The following DCC variants were observed in gnomAD, a reference collection of about 807,000 sequenced individuals.
The protein encoded by DCC is netrin receptor DCC.
Under a neutral mutation model 172.5 loss-of-function variants are expected in DCC, and 58 were observed. The ratio of observed to expected loss-of-function variants is 0.34; its 90% CI spans 0.27 to 0.42. The LOEUF (loss-of-function observed/expected upper bound fraction) is 0.42. Ranked by LOEUF, DCC falls within the 10% of genes least tolerant of loss-of-function variation. The pLI is 1.00. For missense variants in DCC, 1,740 were observed against 1,791.0 expected, an observed-to-expected ratio of 0.97 and a Z score of 0.51; for synonymous variants, 709 against 644.5, an observed-to-expected ratio of 1.10 and a Z score of -1.52.
intron 9 of DCC, among the ~76,000 whole-genome samples, chr18:53,189,596 G>T (rs1481007992): frequency 1.3e-5 from 2 of 152,150 alleles, no homozygotes; most frequent in Admixed American, 1.3e-4. Context: ...CTCAAGCAAA[G>T]TAGAAATGTT....
intron 2 of DCC, among the ~76,000 whole-genome samples, chr18:52,883,307 GTTTTA>G (rs1175517746): frequency 1.4e-5 from 2 of 141,834 alleles, no homozygotes; most frequent in East Asian, 4.3e-4. Flanking sequence ...TTTGTTTTCT[GTTTTA>G]TTTTTATTTT....
At chr18:53,393,662 C>T (rs1198906994) in intron 17 of DCC, among the ~76,000 whole-genome samples, 9 of 152,136 alleles carry the variant, frequency 5.9e-5, no homozygotes, top group Admixed American at 2.6e-4. Flanking sequence ...ATGGCCATGG[C>T]GACTTTGCCA....
At chr18:53,138,236 C>A (rs1182193152) in intron 7 of DCC, among the ~76,000 whole-genome samples, 1 of 152,166 alleles carries the variant, frequency 6.6e-6, no homozygotes, top group South Asian at 2.1e-4. Flanking sequence ...GTGCACCAGG[C>A]CATGAAGGAG....
intron 12 of DCC, among the ~76,000 whole-genome samples, chr18:53,246,397 T>G (rs1187571314): frequency 1.3e-5 from 2 of 151,952 alleles, no homozygotes; most frequent in Non-Finnish European, 2.9e-5. Flanking sequence ...TGTGTGTATG[T>G]GGGAGGAGGT....
At chr18:52,825,676 G>T (rs943282176) in intron 2 of DCC, among the ~76,000 whole-genome samples, 8 of 130,812 alleles carry the variant, frequency 6.1e-5, no homozygotes, top group Non-Finnish European at 1.1e-4. Flanking sequence ...GATCATAATT[G>T]TTTTGGTTTG....
intron 7 of DCC, among the ~76,000 whole-genome samples, chr18:53,128,862 C>CATATAT (rs1345790131): frequency 3.7e-5 from 3 of 81,098 alleles, no homozygotes; most frequent in African/African-American, 1.3e-4. Flanking sequence ...CACACACACA[C>CATATAT]ACACACACAT....
chr18:52,369,300 T>C (rs567783014), intron 1 of DCC, among the ~76,000 whole-genome samples: 1 of 152,048 alleles, frequency 6.6e-6, no homozygotes, highest in Admixed American at 6.6e-5. Flanking sequence ...CCACTTTAGA[T>C]CCTTCAATAG....
chr18:53,167,452 A>G (rs1167969878), intron 8 of DCC, among the ~76,000 whole-genome samples: 1 of 152,210 alleles, frequency 6.6e-6, no homozygotes, highest in Non-Finnish European at 1.5e-5. Flanking sequence ...AATGAAATCA[A>G]GACCCAGGAA....
chr18:52,487,542 G>T (rs568825794), intron 1 of DCC, among the ~76,000 whole-genome samples: 1 of 152,266 alleles, frequency 6.6e-6, no homozygotes, highest in African/African-American at 2.4e-5. Context: ...CGGGCACGGT[G>T]GCTCACGCCT....
chr18:52,869,304 A>G (rs1258760851), intron 2 of DCC, among the ~76,000 whole-genome samples: 1 of 152,206 alleles, frequency 6.6e-6, no homozygotes, highest in Non-Finnish European at 1.5e-5. Context: ...TCCTCTTTGT[A>G]GCCAGGGTGT....
intron 5 of DCC, among the ~76,000 whole-genome samples, chr18:52,927,722 C>G (rs2040241816): frequency 6.6e-6 from 1 of 152,014 alleles, no homozygotes; most frequent in Admixed American, 6.6e-5. Context: ...CCATCTCACA[C>G]CAGTCAGAAT....
At chr18:52,387,781 T>G (rs1351170474) in intron 1 of DCC, among the ~76,000 whole-genome samples, 1 of 152,140 alleles carries the variant, frequency 6.6e-6, no homozygotes, top group East Asian at 1.9e-4. Context: ...AATATTCTGC[T>G]GCAATGAATG....
chr18:53,299,236 A>ATT (rs2057104167), intron 12 of DCC, among the ~76,000 whole-genome samples: 1 of 152,168 alleles, frequency 6.6e-6, no homozygotes. Context: ...TATTTTATGC[A>ATT]TTATTTTATC....
chr18:53,316,453 T>C (rs949163795), intron 13 of DCC, among the ~76,000 whole-genome samples: 106 of 150,018 alleles, frequency 7.1e-4, no homozygotes, highest in Non-Finnish European at 5.2e-4. Flanking sequence ...TTTGAAACCA[T>C]ATGAAATTTA....
intron 2 of DCC, among the ~76,000 whole-genome samples, chr18:52,755,828 G>C (rs575127855): frequency 0.034 from 5,198 of 152,178 alleles, 126 homozygotes; most frequent in Admixed American, 0.048. Flanking sequence ...TTGATAAAAA[G>C]AAGTGTAGCA....
intron 1 of DCC, among the ~76,000 whole-genome samples, chr18:52,722,450 G>C (rs2036487040): frequency 6.6e-6 from 1 of 151,978 alleles, no homozygotes; most frequent in Non-Finnish European, 1.5e-5. Context: ...TCAATATTCA[G>C]TGTTCTCACT....
At chr18:53,235,998 G>A (rs1256113713) in intron 12 of DCC, among the ~76,000 whole-genome samples, 3 of 152,098 alleles carry the variant, frequency 2.0e-5, no homozygotes, top group Admixed American at 2.0e-4. Flanking sequence ...CATCTTTGAT[G>A]AATATTGGAT....
At chr18:52,776,340 T>C (rs190549574) in intron 2 of DCC, among the ~76,000 whole-genome samples, 3 of 152,192 alleles carry the variant, frequency 2.0e-5, no homozygotes, top group East Asian at 1.9e-4. Flanking sequence ...TTATAACTTA[T>C]AGTTTTAAAA....
chr18:53,178,660 T>C (rs1022174284), intron 8 of DCC, among the ~76,000 whole-genome samples: 12 of 152,236 alleles, frequency 7.9e-5, no homozygotes, highest in Non-Finnish European at 1.6e-4. Flanking sequence ...AATAGCTCCT[T>C]GTTTTTCATG....
Sources: allele counts gnomAD v4.1 joint callset (sites outside exome capture counted in the v4.1 genomes callset), GRCh38; gene constraint gnomAD v4.1.1; transcripts MANE v1.5; gene names NCBI Gene and HGNC (gene_info 2026-07-23, HGNC 2026-07-21).